The following ESRRG variants were observed in gnomAD, a reference collection of about 807,000 sequenced individuals.
The protein encoded by ESRRG is estrogen related receptor gamma, also known as estrogen-related receptor gamma.
In ESRRG, 13 loss-of-function variants were observed where a neutral mutation model predicts 44.0. The ratio of observed to expected loss-of-function variants is 0.30; its 90% CI spans 0.19 to 0.47. The LOEUF is 0.47. ESRRG is among the 20% of genes least tolerant of loss of function. ESRRG has a pLI of 1.00. For missense variants in ESRRG, 395 were observed against 580.6 expected, an observed-to-expected ratio of 0.68 and a Z score of 3.29; for synonymous variants, 215 against 214.6, an observed-to-expected ratio of 1.00 and a Z score of -0.02.
At chr1:216,944,443 T>C (rs1220879330) in intron 1 of ESRRG, among the ~76,000 whole-genome samples, 1 of 151,994 alleles carries the variant, frequency 6.6e-6, no homozygotes, top group Admixed American at 6.6e-5. Context: ...AGAAATATGA[T>C]GGAAAGAAAC....
At chr1:216,926,025 A>G (rs960628744) in intron 2 of ESRRG, among the ~76,000 whole-genome samples, 1 of 152,186 alleles carries the variant, frequency 6.6e-6, no homozygotes, top group African/African-American at 2.4e-5. Context: ...CGAGCATGAG[A>G]AAAAGGCCAC....
chr1:217,128,360 T>C lies in ESRRG; in HGVS notation c.-230+9307A>G, dbSNP rs192228124. 1.7e-3 allele frequency among the ~76,000 whole-genome samples: 261 copies of C among 152,322 alleles called. 1 individual carries two copies. The highest frequency in any genetic ancestry group is 6.0e-3 in the African/African-American group (251 of 41,570). On this transcript the variant is annotated intron_variant, in intron 1 of 8. Transcript: ENST00000366940. ...TTTATTAAGTTTTGTCTTAAAAATG[T>C]TTTGCAATGATTTAGTTTCTCTGCT...
intron 2 of ESRRG, among the ~76,000 whole-genome samples, chr1:216,757,419 T>G (rs1019216167): frequency 1.2e-4 from 19 of 152,220 alleles, no homozygotes; most frequent in African/African-American, 3.8e-4. Flanking sequence ...AAAACACTTT[T>G]CATTAATATA....
chr1:216,658,990 T>C (rs2071522091), intron 2 of ESRRG, among the ~76,000 whole-genome samples: 1 of 152,204 alleles, frequency 6.6e-6, no homozygotes, highest in Non-Finnish European at 1.5e-5. Flanking sequence ...TGTTATTGGC[T>C]GTGTGAACTT....
intron 1 of ESRRG, among the ~76,000 whole-genome samples, chr1:217,122,664 C>CTTTTTTTTTTT (rs10716545): frequency 1.1e-5 from 1 of 87,340 alleles, no homozygotes; most frequent in African/African-American, 4.8e-5. Context: ...GACACACACA[C>CTTTTTTTTTTT]TTTTTTTTTT....
intron 3 of ESRRG, among the ~76,000 whole-genome samples, chr1:216,608,652 T>C (rs1466619262): frequency 2.6e-5 from 4 of 152,186 alleles, no homozygotes; most frequent in African/African-American, 9.7e-5. Flanking sequence ...TTTTTGGCTC[T>C]TTACTGATGA....
intron 3 of ESRRG, among the ~76,000 whole-genome samples, chr1:216,630,154 CT>C (rs1157259719): frequency 6.6e-6 from 1 of 152,134 alleles, no homozygotes; most frequent in African/African-American, 2.4e-5. Flanking sequence ...CAAATAAATA[CT>C]AGGGGAAGTG....
chr1:217,089,057 C>A (rs373360198), intron 1 of ESRRG, among the ~76,000 whole-genome samples: 15 of 152,112 alleles, frequency 9.9e-5, no homozygotes, highest in African/African-American at 2.9e-4. Context: ...GATTTTCCAG[C>A]CCATGACAGC....
intron 5 of ESRRG, among the ~76,000 whole-genome samples, chr1:216,542,379 T>G (rs1427208504): frequency 6.6e-6 from 1 of 151,966 alleles, no homozygotes; most frequent in Non-Finnish European, 1.5e-5. Flanking sequence ...AAAGTAGCTA[T>G]AGCTCTTAAA....
chr1:216,535,333 C>A (rs930163020), intron 5 of ESRRG, among the ~76,000 whole-genome samples: 8 of 152,044 alleles, frequency 5.3e-5, no homozygotes, highest in Admixed American at 4.6e-4. Context: ...CTAAACCTTC[C>A]ACTGAACATC....
intron 1 of ESRRG, among the ~76,000 whole-genome samples, chr1:217,122,034 C>A (rs945878294): frequency 3.9e-5 from 6 of 152,196 alleles, no homozygotes; most frequent in Non-Finnish European, 7.3e-5. Context: ...AATGACACAA[C>A]ACCTTAGAGG....
At chr1:217,122,318 C>T (rs2092829961) in intron 1 of ESRRG, among the ~76,000 whole-genome samples, 1 of 152,138 alleles carries the variant, frequency 6.6e-6, no homozygotes, top group African/African-American at 2.4e-5. Context: ...TAGTTTAAAC[C>T]ATGGGAATAG....
chr1:216,794,079 T>G (rs1383483940), intron 2 of ESRRG, among the ~76,000 whole-genome samples: 1 of 151,648 alleles, frequency 6.6e-6, no homozygotes, highest in Non-Finnish European at 1.5e-5. Flanking sequence ...CCATTAAGAG[T>G]TCAATATAAA....
At position 216,503,560 on chromosome 1, in the gene ESRRG, A is replaced by G. The variant is rs998770746; in HGVS notation, c.*3379T>C. 1 of 152,496 alleles carries G rather than the reference A, an allele frequency of 6.6e-6. No individual in the cohort carries two copies. The highest frequency in any genetic ancestry group is 1.5e-5 in the Non-Finnish European group (1 of 67,986). 9.4% of individuals were successfully genotyped at this position (152,496 alleles called of 1,614,324 possible). ...ATAATGCAACTCCTGGATTATTATA[A>G]GCAGTTTAAATTTTTTGTCCTTTTA... On this transcript the variant is annotated 3_prime_UTR_variant, in exon 7 of 7. Coordinates refer to ENST00000408911, the MANE Select transcript of ESRRG (RefSeq NM_001438.4).
intron 3 of ESRRG, among the ~76,000 whole-genome samples, chr1:216,597,922 G>A (rs180753886): frequency 6.6e-6 from 1 of 152,040 alleles, no homozygotes; most frequent in Non-Finnish European, 1.5e-5. Flanking sequence ...CAGTGTGAAG[G>A]GTGACACATA....
intron 2 of ESRRG, among the ~76,000 whole-genome samples, chr1:216,853,998 C>T (rs544844508): frequency 9.9e-5 from 15 of 152,200 alleles, no homozygotes; most frequent in African/African-American, 3.6e-4. Context: ...GACACAATGC[C>T]ATCAATTACT....
At chr1:217,084,689 G>T (rs1423982851) in intron 1 of ESRRG, among the ~76,000 whole-genome samples, 1 of 152,100 alleles carries the variant, frequency 6.6e-6, no homozygotes, top group Non-Finnish European at 1.5e-5. Flanking sequence ...AGTAAAATGA[G>T]CAAATTCATT....
intron 2 of ESRRG, among the ~76,000 whole-genome samples, chr1:216,828,511 T>A (rs535948870): frequency 9.9e-5 from 15 of 151,888 alleles, no homozygotes; most frequent in Non-Finnish European, 1.8e-4. Flanking sequence ...ATAGTAAGAG[T>A]TTTATAAATA....
chr1:216,620,318 G>T (rs2062019897), intron 3 of ESRRG, among the ~76,000 whole-genome samples: 1 of 152,116 alleles, frequency 6.6e-6, no homozygotes, highest in South Asian at 2.1e-4. Flanking sequence ...AGAACATGTG[G>T]TCAGCCCTAA....
Sources: allele counts gnomAD v4.1 joint callset (sites outside exome capture counted in the v4.1 genomes callset), GRCh38; gene constraint gnomAD v4.1.1; transcripts MANE v1.5; gene names NCBI Gene and HGNC (gene_info 2026-07-23, HGNC 2026-07-21).